LINGO2: variants seen among roughly 807,000 people sequenced by gnomAD.
LINGO2 encodes the protein leucine rich repeat and Ig domain containing 2.
Under a neutral mutation model 30.6 loss-of-function variants are expected in LINGO2, and 14 were observed. The observed-to-expected ratio is 0.46, with a 90% CI of 0.30 to 0.72. The LOEUF (loss-of-function observed/expected upper bound fraction) is 0.72, where lower values mean the gene tolerates loss of function less well. Among genes scored for constraint, LINGO2 ranks in the 30% least tolerant of loss-of-function variants. The pLI, the probability that LINGO2 is intolerant of heterozygous loss-of-function variation, is 0.07. For synonymous variants in LINGO2, 317 were observed against 288.5 expected (o/e 1.10, Z -1.00); for missense variants, 729 against 751.7 (o/e 0.97, Z 0.35).
the LINGO2 span, chr9:28,863,483 A>G: frequency 8.4e-6 from 3 of 356,268 alleles, no homozygotes; most frequent in Non-Finnish European, 1.8e-5. Flanking sequence ...TGTTAACACT[A>G]AGCACCAAAT....
At chr9:29,130,798 A>T in the LINGO2 span, among the ~76,000 whole-genome samples, 2 of 152,240 alleles carry the variant, frequency 1.3e-5, no homozygotes, top group African/African-American at 4.8e-5. Flanking sequence ...CTCAACAATT[A>T]CAACCGAGAT....
chr9:28,005,250 A>G (rs978278986), intron 5 of LINGO2, among the ~76,000 whole-genome samples: 2 of 152,204 alleles, frequency 1.3e-5, no homozygotes, highest in African/African-American at 4.8e-5. Flanking sequence ...CCATAGTGTT[A>G]TGTGCCCACC....
rs576276671 is a variant in LINGO2 at position 28,337,843 on chromosome 9, T to C, written c.-246+34993A>G. Among the ~76,000 whole-genome samples the C allele has an allele frequency of 4.6e-5, 7 of 152,130 alleles. No individual in the cohort carries two copies. The South Asian group carries it at 1.5e-3, about 32-fold the overall frequency. On this transcript the variant is annotated intron_variant, in intron 3 of 5. Transcript: ENST00000379992. ...CAGAGGATGTATGGAAATGCCTGGG[T>C]GTCTAGGCAGAAGTTTGCTGCAGGG...
At chr9:28,621,192 A>C (rs1826372639) in intron 1 of LINGO2, among the ~76,000 whole-genome samples, 1 of 152,072 alleles carries the variant, frequency 6.6e-6, no homozygotes, top group Admixed American at 6.6e-5. Context: ...TAACATAAAA[A>C]TGTATATATG....
intron 2 of LINGO2, among the ~76,000 whole-genome samples, chr9:28,447,945 A>G (rs184825655): frequency 6.6e-6 from 1 of 152,272 alleles, no homozygotes; most frequent in East Asian, 1.9e-4. Context: ...GTCATAGTGG[A>G]TGATTTATAA....
the LINGO2 span, among the ~76,000 whole-genome samples, chr9:28,756,024 G>C: frequency 6.6e-6 from 1 of 151,978 alleles, no homozygotes; most frequent in Non-Finnish European, 1.5e-5. Context: ...TTACAATATT[G>C]GGTATAATAG....
intron 2 of LINGO2, among the ~76,000 whole-genome samples, chr9:28,388,533 C>A (rs887476704): frequency 6.6e-6 from 1 of 152,146 alleles, no homozygotes; most frequent in Admixed American, 6.5e-5. Flanking sequence ...GAAACATGGA[C>A]TTTTCCAATT....
Position 28,635,156 on chromosome 9 carries a change from C to T in LINGO2, c.-365+35044G>A, listed in dbSNP as rs536880063. Among the ~76,000 whole-genome samples, 10 of 152,198 alleles carry T rather than the reference C, an allele frequency of 6.6e-5. No individual in the cohort carries two copies. In the East Asian group the frequency reaches 1.9e-3, roughly 29 times the overall value. ...CTCTTGAAACTTTCAGTTGTGCATC[C>T]AATATATAAATTTTGCTGTTCTTAT... On this transcript the variant is annotated intron_variant, in intron 1 of 5. Coordinates refer to ENST00000379992, the Ensembl canonical transcript of LINGO2.
chr9:28,895,341 A>G, the LINGO2 span, among the ~76,000 whole-genome samples: 1 of 152,146 alleles, frequency 6.6e-6, no homozygotes, highest in African/African-American at 2.4e-5. Context: ...GAGCGTTGTC[A>G]CACTTGCATG....
At chr9:28,967,401 G>A in the LINGO2 span, among the ~76,000 whole-genome samples, 2 of 152,114 alleles carry the variant, frequency 1.3e-5, no homozygotes, top group South Asian at 2.1e-4. Context: ...CAGTTCCTAG[G>A]GGACTGAAGA....
intron 4 of LINGO2, among the ~76,000 whole-genome samples, chr9:28,020,771 G>C (rs1344466945): frequency 2.0e-5 from 3 of 152,118 alleles, no homozygotes; most frequent in African/African-American, 7.2e-5. Context: ...TTGGTAGTTT[G>C]TGTCTTTTGA....
chr9:29,028,429 T>TGGGA, the LINGO2 span, among the ~76,000 whole-genome samples: 3 of 112,814 alleles, frequency 2.7e-5, no homozygotes, highest in South Asian at 3.2e-4. Flanking sequence ...TGGGGGGGGG[T>TGGGA]GAGAGAGAGA....
At chr9:28,754,374 C>G in the LINGO2 span, among the ~76,000 whole-genome samples, 1 of 151,998 alleles carries the variant, frequency 6.6e-6, no homozygotes, top group African/African-American at 2.4e-5. Flanking sequence ...TTTCTGAGGA[C>G]AGAAATAATT....
chr9:28,167,388 T>C (rs1260127110), intron 4 of LINGO2, among the ~76,000 whole-genome samples: 4 of 152,174 alleles, frequency 2.6e-5, no homozygotes, highest in Non-Finnish European at 4.4e-5. Context: ...TATTTTTGTT[T>C]GTTTCCTTTT....
At chr9:28,750,272 C>T in the LINGO2 span, among the ~76,000 whole-genome samples, 2 of 152,108 alleles carry the variant, frequency 1.3e-5, no homozygotes, top group East Asian at 1.9e-4. Context: ...TTTTCATTTG[C>T]TTTCTAAGAA....
chr9:28,308,234 T>C (rs1480805779), intron 3 of LINGO2, among the ~76,000 whole-genome samples: 1 of 128,156 alleles, frequency 7.8e-6, no homozygotes, highest in Non-Finnish European at 1.8e-5. Context: ...AAAACAGAGA[T>C]ATAGATCAAT....
At chr9:29,015,224 C>T in the LINGO2 span, among the ~76,000 whole-genome samples, 1 of 152,000 alleles carries the variant, frequency 6.6e-6, no homozygotes, top group African/African-American at 2.4e-5. Context: ...GTGATGGATA[C>T]CCTAAATGAC....
chr9:28,967,048 G>A, the LINGO2 span, among the ~76,000 whole-genome samples: 42 of 152,050 alleles, frequency 2.8e-4, no homozygotes, highest in Non-Finnish European at 5.6e-4. Context: ...AGGCACTGAC[G>A]GTATTTCACG....
chr9:28,236,517 C>G (rs1209869478), intron 4 of LINGO2, among the ~76,000 whole-genome samples: 1 of 152,110 alleles, frequency 6.6e-6, no homozygotes, highest in Non-Finnish European at 1.5e-5. Flanking sequence ...AGTAACACAA[C>G]TTTTTGAGAC....
Sources: gnomAD v4.1 joint callset for allele counts (sites outside exome capture counted in the v4.1 genomes callset) on GRCh38, gnomAD v4.1.1 for gene constraint, MANE v1.5 for transcripts, NCBI Gene and HGNC (gene_info 2026-07-23, HGNC 2026-07-21) for gene names.